Variants in CC2D2A observed in about 807,000 individuals in gnomAD.
The protein encoded by CC2D2A is coiled-coil and C2 domain containing 2A, also known as coiled-coil and C2 domain-containing protein 2A.
A neutral mutation model predicts 212.9 loss-of-function variants in CC2D2A; 155 were observed. The ratio of observed to expected loss-of-function variants is 0.73; its 90% CI spans 0.64 to 0.83. The LOEUF (loss-of-function observed/expected upper bound fraction) is 0.83. Ranked by LOEUF, CC2D2A falls within the 40% of genes least tolerant of loss-of-function variation. The pLI, the probability that CC2D2A is intolerant of heterozygous loss-of-function variation, is 0.00. For synonymous variants in CC2D2A, 667 were observed against 686.5 expected (o/e 0.97, Z 0.44); for missense variants, 1,856 against 1,956.2 (o/e 0.95, Z 0.97).
In CC2D2A at chr4:15,553,231, T is replaced by A; in HGVS notation, c.2412T>A (p.Ser804Arg). 6.2e-7 allele frequency: 1 copy of A among 1,613,044 alleles called. No individual in the cohort carries two copies. Among genetic ancestry groups the A allele is most frequent in the Non-Finnish European group, 8.5e-7 (1 of 1,179,538 alleles). Residue 804 changes from serine to arginine, a missense_variant, in exon 19 of 37, where the codon AGT becomes AGA. Coordinates refer to ENST00000424120, the MANE Select transcript of CC2D2A (RefSeq NM_001378615.1). ...TGACCTCAGGGAAAGTGTCTCATAG[T>A]GTGGCATGGGCCATTGGAGAAAACG... Reference protein sequence around the residue: ...TLMTSGKVSHSVAWAIGENGI... With the variant: ...TLMTSGKVSHRVAWAIGENGI...
rs74333168 is a variant in CC2D2A at position 15,494,827 on chromosome 4, T to C, written c.248-7602T>C. Among the ~76,000 whole-genome samples, 249 of 152,352 alleles carry C rather than the reference T, an allele frequency of 1.6e-3. 1 individual carries two copies. Among genetic ancestry groups the C allele is most frequent in the Middle Eastern group, 3.4e-3 (1 of 294 alleles). On this transcript the variant is annotated intron_variant, in intron 4 of 36. Coordinates refer to ENST00000424120, the MANE Select transcript of CC2D2A (RefSeq NM_001378615.1). ...GTATTAATCAACTACATGCTTTGAT[T>C]GACAACAAACAGTTACAATATGTAA... is the stretch of plus-strand genomic sequence containing the variant.
chr4:15,510,265 C>A, intron 7 of CC2D2A, 25 bp downstream of exon 7: 2 of 1,584,466 alleles, frequency 1.3e-6, no homozygotes, highest in East Asian at 2.2e-5. Context: ...TTTTTAAAAT[C>A]ATTTGTTTGT....
At chr4:15,473,944 A>G (rs1222438225) in intron 1 of CC2D2A, among the ~76,000 whole-genome samples, 1 of 152,204 alleles carries the variant, frequency 6.6e-6, no homozygotes. Context: ...AAAGAACTTT[A>G]TTTGAGGTAT....
intron 21 of CC2D2A, 76 bp from the exon 22 acceptor site, chr4:15,559,089 A>G: frequency 1.2e-6 from 1 of 844,746 alleles, no homozygotes; most frequent in South Asian, 1.7e-5. Flanking sequence ...CTTAAATCAT[A>G]TGTGATAAAT....
At chr4:15,533,717 G>A (rs1031242928) in intron 14 of CC2D2A, among the ~76,000 whole-genome samples, 21 of 152,242 alleles carry the variant, frequency 1.4e-4, no homozygotes, top group African/African-American at 4.8e-4. Context: ...TCATCTACTT[G>A]ACAGCACATA....
intron 18 of CC2D2A, among the ~76,000 whole-genome samples, chr4:15,551,293 A>T (rs1189195811): frequency 2.6e-5 from 4 of 152,236 alleles, no homozygotes; most frequent in African/African-American, 4.8e-5. Flanking sequence ...GAGGACAAAC[A>T]TGTATGCATA....
chr4:15,560,622 G>T lies in CC2D2A; in HGVS notation c.3014G>T (p.Ser1005Ile). ...MIVEEEVPNI[S>I]ILGLSLFKLA... ...GTAGAAGAAGAAGTTCCCAATATCA[G>T]GTAAAAATAATCAAAGCCATTATTA... Residue 1005 changes from serine to isoleucine, a missense_variant and splice_region_variant, in exon 23 of 37, where the codon AGC becomes ATC. Ser to Ile is a moderately radical substitution (Grantham distance 142, BLOSUM62 -2). Transcript: ENST00000424120. The T allele has an allele frequency of 2.3e-6, 3 of 1,285,448 alleles. No homozygotes were observed. Among genetic ancestry groups the T allele is most frequent in the East Asian group, 2.5e-5 (1 of 40,766 alleles). The allele number at this position is 1,285,448 out of a possible 1,614,324, so 79.6% of individuals were successfully genotyped here.
intron 6 of CC2D2A, among the ~76,000 whole-genome samples, chr4:15,505,577 G>C (rs945240233): frequency 6.6e-6 from 1 of 152,158 alleles, no homozygotes; most frequent in Admixed American, 6.5e-5. Flanking sequence ...TGGGGATATA[G>C]GGGGATTCAG....
chr4:15,546,984 A>G (rs774625365), intron 17 of CC2D2A, among the ~76,000 whole-genome samples: 7 of 152,184 alleles, frequency 4.6e-5, no homozygotes, highest in African/African-American at 7.2e-5. Flanking sequence ...GAAGAAAGCC[A>G]TGGGTACTAT....
chr4:15,516,202 T>A (rs1330712508), intron 10 of CC2D2A, among the ~76,000 whole-genome samples, 198 bp downstream of exon 10: 1 of 152,190 alleles, frequency 6.6e-6, no homozygotes, highest in African/African-American at 2.4e-5. Context: ...TCTCAACTGC[T>A]CAAAACCCAT....
intron 19 of CC2D2A, 117 bp downstream of exon 19, chr4:15,553,422 T>C: frequency 8.4e-7 from 1 of 1,187,318 alleles, no homozygotes; most frequent in South Asian, 1.5e-5. Context: ...GTGCCAGTAT[T>C]TTCAAGAGTT....
chr4:15,516,000 A>AC lies in CC2D2A; in HGVS notation c.1017dup (p.Glu340ArgfsTer8), dbSNP rs797044636. The AC allele has an allele frequency of 1.3e-6, 2 of 1,591,760 alleles. No individual in the cohort carries two copies. The highest frequency in any genetic ancestry group is 2.7e-5 in the African/African-American group (2 of 74,444). ...ATGGAGAACAGATTGCTGATGCAGG[A>AC]CCCCGTAAGTGTGCACCCTCTGCTC... is the stretch of plus-strand genomic sequence containing the variant. On this transcript the variant is annotated frameshift_variant, in exon 10 of 37. Coordinates refer to ENST00000424120, the MANE Select transcript of CC2D2A (RefSeq NM_001378615.1). LOFTEE classifies it high-confidence loss of function.
At chr4:15,544,956 T>A (rs1344077288) in intron 17 of CC2D2A, among the ~76,000 whole-genome samples, 2 of 152,194 alleles carry the variant, frequency 1.3e-5, no homozygotes. Context: ...TGTAATTTTT[T>A]AAAAAGTTAT....
chr4:15,537,973 G>A lies in CC2D2A; in HGVS notation c.1839G>A (p.Glu613=). The A allele has an allele frequency of 6.2e-7, 1 of 1,610,600 alleles. No individual in the cohort carries two copies. The highest frequency in any genetic ancestry group is 1.1e-5 in the South Asian group (1 of 90,022). ...PGDEIAEPYP[E]EDLVKPSPPE... is the part of the protein sequence containing the mutation. ...ATGAGATTGCAGAGCCGTATCCCGA[G>A]GAGGACCTTGTGAAGCCCAGCCCTC... The change falls in exon 16 of 37, where the codon GAG becomes GAA. Residue 613 remains glutamate (E), a synonymous_variant. Coordinates refer to ENST00000424120, the MANE Select transcript of CC2D2A (RefSeq NM_001378615.1).
At chr4:15,561,721 G>A (rs1719611759) in intron 23 of CC2D2A, 1 of 152,160 alleles carries the variant, frequency 6.6e-6, no homozygotes, top group African/African-American at 2.4e-5. Context: ...CAAAGTCTCA[G>A]GGAGGACTTA....
At position 15,527,547 on chromosome 4, in the gene CC2D2A, A is replaced by G. The variant is rs1340560717; in HGVS notation, c.1250A>G (p.His417Arg). 6.2e-7 allele frequency: 1 copy of G among 1,613,444 alleles called. No homozygotes were observed. The highest frequency in any genetic ancestry group is 1.3e-5 in the African/African-American group (1 of 74,936). ...GATATTTCAGGGTTAATCTTCACTC[A>G]TCATCCCTGTTTTAGCCGAGAGCAT... ...DIDISGLIFTHHPCFSREHVL... is the reference protein window; with the variant it reads ...DIDISGLIFTRHPCFSREHVL... The change falls in exon 12 of 37, where the codon CAT (histidine) becomes CGT (arginine). Residue 417 changes from histidine to arginine, a missense_variant. By Grantham distance (29) the His-to-Arg change is conservative. This residue lies in a region of CC2D2A where 1,512 missense variants were observed against 1,579.3 expected (regional missense o/e 0.96). Transcript: ENST00000424120.
chr4:15,601,338 A>C lies in CC2D2A; in HGVS notation c.4776A>C (p.Glu1592Asp). Residue 1592 changes from glutamate (E) to aspartate (D), a missense_variant, in exon 37 of 37, where the codon GAA becomes GAC. Transcript: ENST00000424120. Reference protein sequence around the residue: ...GVHNIDVPNVEFALAVYIHPY... With the variant: ...GVHNIDVPNVDFALAVYIHPY... ...ATAATATTGATGTTCCTAATGTTGA[A>C]TTTGCTTTAGCTGTATACATACACC... The C allele has an allele frequency of 6.2e-7, 1 of 1,610,186 alleles. No homozygotes were observed.
chr4:15,515,311 G>A (rs889305200), intron 9 of CC2D2A, among the ~76,000 whole-genome samples: 2 of 152,234 alleles, frequency 1.3e-5, no homozygotes, highest in African/African-American at 4.8e-5. Context: ...GCCTGGCCTG[G>A]ATTCCCAGAG....
At chr4:15,528,783 AGAGTTT>A (rs1377375276) in intron 13 of CC2D2A, 57 bp downstream of exon 13, 7 of 1,228,580 alleles carry the variant, frequency 5.7e-6, no homozygotes, top group Non-Finnish European at 5.8e-6. Context: ...TGCACTTGTT[AGAGTTT>A]ATTTTTCCAG....
Sources: gnomAD v4.1 joint callset for allele counts (sites outside exome capture counted in the v4.1 genomes callset) on GRCh38, gnomAD v4.1.1 for gene constraint, gnomAD v4.1.1 regional missense constraint, MANE v1.5 for transcripts, NCBI Gene and HGNC (gene_info 2026-07-23, HGNC 2026-07-21) for gene names.